Variants in PDE3A observed in about 807,000 individuals in gnomAD.
PDE3A encodes the protein phosphodiesterase 3A.
A neutral mutation model predicts 98.3 loss-of-function variants in PDE3A; 43 were observed. That is an observed-to-expected ratio of 0.44 (90% CI 0.34 to 0.56). PDE3A has a LOEUF of 0.56. PDE3A is among the 20% of genes least tolerant of loss of function. PDE3A has a pLI of 0.01. For missense variants in PDE3A, 1,427 were observed against 1,440.7 expected, an observed-to-expected ratio of 0.99 and a Z score of 0.15; for synonymous variants, 663 against 567.9, an observed-to-expected ratio of 1.17 and a Z score of -2.38.
chr12:20,589,823 C>G (rs571336880), intron 2 of PDE3A, among the ~76,000 whole-genome samples: 1 of 143,434 alleles, frequency 7.0e-6, no homozygotes, highest in African/African-American at 2.6e-5. Context: ...AAGCTGAGAT[C>G]GTGCCACTGC....
At chr12:20,434,170 CT>C (rs58536656) in intron 1 of PDE3A, among the ~76,000 whole-genome samples, 13,625 of 147,536 alleles carry the variant, frequency 0.092, 745 homozygotes, top group Admixed American at 0.15. Flanking sequence ...TTGAAGGTGA[CT>C]TTTTTTTTTT....
chr12:20,486,041 C>T (rs889565260), intron 1 of PDE3A, among the ~76,000 whole-genome samples: 11 of 152,264 alleles, frequency 7.2e-5, no homozygotes, highest in Non-Finnish European at 1.0e-4. Flanking sequence ...TCTTTTAGAG[C>T]ACATTTATAA....
intron 5 of PDE3A, among the ~76,000 whole-genome samples, chr12:20,621,815 T>A (rs1208698854): frequency 6.6e-6 from 1 of 152,084 alleles, no homozygotes; most frequent in African/African-American, 2.4e-5. Context: ...TGAGCTATGA[T>A]AAGGAATTTA....
intron 1 of PDE3A, among the ~76,000 whole-genome samples, chr12:20,522,869 C>G (rs571013483): frequency 6.6e-5 from 10 of 152,036 alleles, no homozygotes; most frequent in Admixed American, 1.3e-4. Flanking sequence ...AAAGTTGTTT[C>G]AAAAGCTCAT....
In PDE3A at chr12:20,371,012, A is replaced by C. The variant is rs61564090; in HGVS notation, c.960+768A>C. ...GTTCTCTTTAGTATGTGCATACTTAAGTGGATATTTATAAATTCAAATGGA... is the reference window on the plus strand; with the variant it reads ...GTTCTCTTTAGTATGTGCATACTTACGTGGATATTTATAAATTCAAATGGA... On this transcript the variant is annotated intron_variant, in intron 1 of 15. Coordinates refer to ENST00000359062, the MANE Select transcript of PDE3A (RefSeq NM_000921.5). Among the ~76,000 whole-genome samples, 369 of 152,352 alleles carry C rather than the reference A, an allele frequency of 2.4e-3. 1 individual carries two copies. Among genetic ancestry groups the C allele is most frequent in the African/African-American group, 8.5e-3 (354 of 41,592 alleles).
At chr12:20,472,152 G>T (rs1226948969) in intron 1 of PDE3A, among the ~76,000 whole-genome samples, 1 of 152,084 alleles carries the variant, frequency 6.6e-6, no homozygotes, top group Admixed American at 6.6e-5. Flanking sequence ...GATCAGAGTT[G>T]GGGCTCAGTA....
chr12:20,449,078 TA>T (rs951391317), intron 1 of PDE3A, among the ~76,000 whole-genome samples: 1 of 152,172 alleles, frequency 6.6e-6, no homozygotes, highest in African/African-American at 2.4e-5. Flanking sequence ...ATGCCGTAGC[TA>T]AAAAAATGTA....
intron 1 of PDE3A, among the ~76,000 whole-genome samples, chr12:20,475,609 G>A (rs1346816688): frequency 6.6e-6 from 1 of 151,906 alleles, no homozygotes; most frequent in Non-Finnish European, 1.5e-5. Flanking sequence ...ACATGCCTGT[G>A]GTCCCAGCTA....
chr12:20,564,873 T>C (rs759866265), intron 2 of PDE3A, among the ~76,000 whole-genome samples: 1 of 152,132 alleles, frequency 6.6e-6, no homozygotes, highest in Non-Finnish European at 1.5e-5. Flanking sequence ...GGCACTACCT[T>C]GTGTGTGTTT....
At chr12:20,679,991 A>C (rs1945734825) in intron 15 of PDE3A, 39 bp from the exon 16 acceptor site, 1 of 1,494,020 alleles carries the variant, frequency 6.7e-7, no homozygotes, top group Non-Finnish European at 9.1e-7. Context: ...CACACAACTA[A>C]GTAGTCTGAT....
At chr12:20,610,962 C>A (rs998273547) in intron 2 of PDE3A, among the ~76,000 whole-genome samples, 13 of 151,762 alleles carry the variant, frequency 8.6e-5, no homozygotes, top group African/African-American at 3.1e-4. Flanking sequence ...ATGTATAAGT[C>A]TAGGGTATCT....
At chr12:20,580,070 CATAAACT>C (rs1464661932) in intron 2 of PDE3A, among the ~76,000 whole-genome samples, 3 of 152,120 alleles carry the variant, frequency 2.0e-5, no homozygotes, top group Admixed American at 6.6e-5. Flanking sequence ...CAAACATAAA[CATAAACT>C]ATAATCAATT....
intron 1 of PDE3A, among the ~76,000 whole-genome samples, chr12:20,526,875 C>T (rs914379619): frequency 4.2e-5 from 6 of 141,892 alleles, no homozygotes; most frequent in African/African-American, 1.3e-4. Flanking sequence ...CATTAGGAGA[C>T]ATTTTTTTCT....
At chr12:20,389,764 A>G (rs1289411770) in intron 1 of PDE3A, among the ~76,000 whole-genome samples, 2 of 151,994 alleles carry the variant, frequency 1.3e-5, no homozygotes, top group Non-Finnish European at 2.9e-5. Context: ...GAAAGGTCAT[A>G]GCTAAATTTA....
At chr12:20,449,330 A>C (rs1945020622) in intron 1 of PDE3A, among the ~76,000 whole-genome samples, 1 of 152,240 alleles carries the variant, frequency 6.6e-6, no homozygotes, top group Non-Finnish European at 1.5e-5. Context: ...ATAAAATTTT[A>C]TGAGGCAAAA....
At chr12:20,448,751 GGT>G (rs1491141268) in intron 1 of PDE3A, among the ~76,000 whole-genome samples, 2 of 134,328 alleles carry the variant, frequency 1.5e-5, no homozygotes, top group African/African-American at 5.3e-5. Context: ...TTTATTTTAA[GGT>G]TTTTTTTTTT....
chr12:20,544,530 C>T (rs1392676729), intron 1 of PDE3A, among the ~76,000 whole-genome samples: 1 of 151,838 alleles, frequency 6.6e-6, no homozygotes, highest in African/African-American at 2.4e-5. Flanking sequence ...TCCTTGAAGA[C>T]AAATCAAATC....
intron 9 of PDE3A, among the ~76,000 whole-genome samples, chr12:20,638,151 CT>C (rs113097580): frequency 0.077 from 11,768 of 152,216 alleles, 479 homozygotes; most frequent in East Asian, 0.1. Flanking sequence ...CACTGAAATG[CT>C]GATTTCTATG....
chr12:20,437,637 A>G (rs763565615), intron 1 of PDE3A, among the ~76,000 whole-genome samples: 8 of 152,148 alleles, frequency 5.3e-5, no homozygotes, highest in Admixed American at 1.3e-4. Flanking sequence ...GTAAACAACC[A>G]GATTTGGGGA....
Sources: allele counts gnomAD v4.1 joint callset (sites outside exome capture counted in the v4.1 genomes callset), GRCh38; gene constraint gnomAD v4.1.1; transcripts MANE v1.5; gene names NCBI Gene and HGNC (gene_info 2026-07-23, HGNC 2026-07-21).